Variants in RBP2 observed in about 807,000 individuals in gnomAD.
The protein encoded by RBP2 is retinol binding protein 2.
Under a neutral mutation model 17.0 loss-of-function variants are expected in RBP2, and 17 were observed. The ratio of observed to expected loss-of-function variants is 1.00; its 90% CI spans 0.68 to 1.50. RBP2 has a LOEUF of 1.50. Among genes scored for constraint, RBP2 ranks in the 40% most tolerant of loss-of-function variants. The probability of loss-of-function intolerance (pLI) is 0.00; values close to 1 mark genes in which losing one functional copy is unlikely to be tolerated. For missense variants in RBP2, 158 were observed against 168.2 expected, an observed-to-expected ratio of 0.94 and a Z score of 0.33; for synonymous variants, 48 against 57.1, an observed-to-expected ratio of 0.84 and a Z score of 0.72.
In RBP2 at chr3:139,462,248, T is replaced by A; in HGVS notation, c.116A>T (p.Gln39Leu). The change falls in exon 2 of 4, where the codon CAG becomes CTG. Residue 39 changes from glutamine (Q) to leucine (L), a missense_variant. Gln to Leu is a moderately radical substitution (Grantham distance 113). Coordinates refer to ENST00000232217, the MANE Select transcript of RBP2 (RefSeq NM_004164.3). ...ATRKIAVRLT[Q>L]TKVIDQDGDN... is the part of the protein sequence containing the mutation. ...ACCATCTTGATCAATAACCTTCGTCTGAGTGAGACGTACTGCAATCTTGCG... is the reference window on the plus strand; with the variant it reads ...ACCATCTTGATCAATAACCTTCGTCAGAGTGAGACGTACTGCAATCTTGCG... The A allele has an allele frequency of 6.2e-7, 1 of 1,614,188 alleles. No homozygotes were observed. Among genetic ancestry groups the A allele is most frequent in the South Asian group, 1.1e-5 (1 of 91,086 alleles).
Position 139,454,724 on chromosome 3 carries a change from CT to C in RBP2, c.354+4del, listed in dbSNP as rs1446726494. The C allele has an allele frequency of 6.2e-7, 1 of 1,613,516 alleles. No individual in the cohort carries two copies. Among genetic ancestry groups the C allele is most frequent in the Non-Finnish European group, 8.5e-7 (1 of 1,179,432 alleles). On this transcript the variant is annotated splice_donor_region_variant and intron_variant, in intron 3 of 3. Coordinates refer to ENST00000232217, the MANE Select transcript of RBP2 (RefSeq NM_004164.3). ...GAAGTGAGCTGAGCAGAACCCAGTACTTACCAGGTACAGCTTGTCCCCCTCA... is the reference window on the plus strand; with the variant it reads ...GAAGTGAGCTGAGCAGAACCCAGTACTACCAGGTACAGCTTGTCCCCCTCA...
At chr3:139,453,847 T>C (rs1433163569) in intron 3 of RBP2, among the ~76,000 whole-genome samples, 4 of 151,980 alleles carry the variant, frequency 2.6e-5, no homozygotes, top group Non-Finnish European at 5.9e-5. Context: ...ATTAGAAAAA[T>C]CCACCATCCA....
At position 139,467,462 on chromosome 3, in the gene RBP2, G is replaced by A. The variant is rs149570490; in HGVS notation, c.74-5172C>T. Among the ~76,000 whole-genome samples the A allele has an allele frequency of 5.9e-5, 9 of 152,298 alleles. No individual in the cohort carries two copies. The East Asian group carries it at 1.7e-3, about 29-fold the overall frequency. ...CATGTGCATGCTAAAGCTTAGAACT[G>A]TGGTATAAATGAGTAAGGGTAAGGG... On this transcript the variant is annotated intron_variant, in intron 1 of 3. Coordinates refer to ENST00000232217, the MANE Select transcript of RBP2 (RefSeq NM_004164.3).
At chr3:139,461,993 G>T in intron 2 of RBP2, 119 bp downstream of exon 2, 1 of 1,052,208 alleles carries the variant, frequency 9.5e-7, no homozygotes, top group Non-Finnish European at 1.4e-6. Flanking sequence ...AGGCCATCCT[G>T]GTCCTCCTTT....
intron 1 of RBP2, among the ~76,000 whole-genome samples, chr3:139,462,873 GC>G: frequency 6.6e-6 from 1 of 152,130 alleles, no homozygotes. Context: ...TCACTCTGTC[GC>G]CCAGGCTGGA....
At chr3:139,469,658 C>CATCT (rs200989996) in intron 1 of RBP2, among the ~76,000 whole-genome samples, 9 of 138,698 alleles carry the variant, frequency 6.5e-5, no homozygotes, top group East Asian at 4.0e-4. Context: ...GAGCATCAGA[C>CATCT]ATCTATCTGT....
At chr3:139,471,156 C>T (rs1045617276) in intron 1 of RBP2, among the ~76,000 whole-genome samples, 10 of 152,166 alleles carry the variant, frequency 6.6e-5, no homozygotes, top group Non-Finnish European at 1.5e-4. Flanking sequence ...CCCACTATAT[C>T]TCCAATGCCT....
intron 1 of RBP2, chr3:139,466,772 A>G (rs1301569796): frequency 6.6e-6 from 1 of 152,204 alleles, no homozygotes; most frequent in East Asian, 1.9e-4. Flanking sequence ...TCATCATAAT[A>G]TCATTATGAA....
chr3:139,455,202 GATAAC>G (rs1343332975), intron 2 of RBP2, among the ~76,000 whole-genome samples: 1 of 152,174 alleles, frequency 6.6e-6, no homozygotes, highest in African/African-American at 2.4e-5. Context: ...GGGGGAAAAT[GATAAC>G]ATATCAGCAA....
intron 1 of RBP2, among the ~76,000 whole-genome samples, chr3:139,467,829 G>A (rs763302379): frequency 5.9e-5 from 9 of 152,260 alleles, no homozygotes; most frequent in South Asian, 2.1e-4. Flanking sequence ...AGGAGAAGTG[G>A]GAATGGTGGC....
chr3:139,460,069 G>A (rs536793445), intron 2 of RBP2, among the ~76,000 whole-genome samples: 2 of 152,276 alleles, frequency 1.3e-5, no homozygotes, highest in East Asian at 3.9e-4. Flanking sequence ...ACCATCAAAG[G>A]TCACAAAGGA....
chr3:139,473,111 G>C (rs1043531142), intron 1 of RBP2, among the ~76,000 whole-genome samples: 1 of 152,194 alleles, frequency 6.6e-6, no homozygotes, highest in African/African-American at 2.4e-5. Flanking sequence ...GACATGACAA[G>C]TTCCTCAGGG....
At chr3:139,474,394 G>A (rs1469226993) in intron 1 of RBP2, among the ~76,000 whole-genome samples, 1 of 152,168 alleles carries the variant, frequency 6.6e-6, no homozygotes, top group Non-Finnish European at 1.5e-5. Context: ...GCCTAGAGAG[G>A]TGGGCTTTAG....
intron 1 of RBP2, among the ~76,000 whole-genome samples, chr3:139,468,319 A>T (rs1398495068): frequency 1.3e-5 from 2 of 152,230 alleles, no homozygotes; most frequent in African/African-American, 4.8e-5. Context: ...GCTCCCCAGT[A>T]AAAAGTATTG....
chr3:139,462,009 T>C lies in RBP2; in HGVS notation c.252+103A>G, dbSNP rs974323002. ...GGCCATCCTGGTCCTCCTTTCCTGA[T>C]TTTTCCCAGGTTGTTTCTAATATTT... On this transcript the variant is annotated intron_variant, in intron 2 of 3. Transcript: ENST00000232217. 383 of 1,293,456 alleles carry C rather than the reference T, an allele frequency of 3.0e-4. 1 individual carries two copies. The highest frequency in any genetic ancestry group is 3.9e-4 in the Non-Finnish European group (365 of 928,370). The allele number at this position is 1,293,456 out of a possible 1,614,324, so 80.1% of individuals were successfully genotyped here.
intron 2 of RBP2, 67 bp downstream of exon 2, chr3:139,462,045 C>A (rs1933207062): frequency 2.0e-6 from 3 of 1,509,926 alleles, no homozygotes; most frequent in Non-Finnish European, 2.7e-6. Flanking sequence ...TTTTTTTCAT[C>A]ATGATACCAA....
intron 1 of RBP2, among the ~76,000 whole-genome samples, chr3:139,474,229 C>T (rs567674875): frequency 2.6e-5 from 4 of 152,306 alleles, no homozygotes; most frequent in African/African-American, 9.6e-5. Flanking sequence ...CCCTTACTCA[C>T]ATTAAAGGTG....
intron 1 of RBP2, among the ~76,000 whole-genome samples, chr3:139,464,943 G>A (rs143015115): frequency 6.6e-6 from 1 of 152,216 alleles, no homozygotes; most frequent in East Asian, 1.9e-4. Context: ...TCCATAGGAG[G>A]CTGTTTGGAA....
At chr3:139,462,055 A>G in intron 2 of RBP2, 57 bp downstream of exon 2, 1 of 1,556,180 alleles carries the variant, frequency 6.4e-7, no homozygotes, top group African/African-American at 1.5e-5. Flanking sequence ...CATGATACCA[A>G]ATAGCCAGCC....
Sources: allele counts gnomAD v4.1 joint callset (sites outside exome capture counted in the v4.1 genomes callset), GRCh38; gene constraint gnomAD v4.1.1; transcripts MANE v1.5; gene names NCBI Gene and HGNC (gene_info 2026-07-23, HGNC 2026-07-21).